ST6GALNAC3: variants seen among roughly 807,000 people sequenced by gnomAD.
The protein encoded by ST6GALNAC3 is alpha-N-acetylgalactosaminide alpha-2,6-sialyltransferase 3.
In ST6GALNAC3, 25 loss-of-function variants were observed where a neutral mutation model predicts 32.7. That is an observed-to-expected ratio of 0.76 (90% CI 0.56 to 1.07). ST6GALNAC3 has a LOEUF of 1.07. ST6GALNAC3 is among the 50% of genes least tolerant of loss of function. ST6GALNAC3 has a pLI of 0.00. For missense variants in ST6GALNAC3, 355 were observed against 382.4 expected (o/e 0.93, Z 0.60); for synonymous variants, 129 against 133.1 (o/e 0.97, Z 0.21).
chr1:76,199,229 C>G (rs1022038401), intron 1 of ST6GALNAC3, among the ~76,000 whole-genome samples: 1 of 152,080 alleles, frequency 6.6e-6, no homozygotes, highest in Non-Finnish European at 1.5e-5. Context: ...TGGTATAACC[C>G]AAATAGAAGC....
At chr1:76,200,893 C>G (rs1404343899) in intron 1 of ST6GALNAC3, among the ~76,000 whole-genome samples, 2 of 151,940 alleles carry the variant, frequency 1.3e-5, no homozygotes, top group Non-Finnish European at 2.9e-5. Context: ...CCAGAAACGC[C>G]TCTGAGATAC....
chr1:76,148,162 G>C (rs1274413931), intron 1 of ST6GALNAC3, among the ~76,000 whole-genome samples: 1 of 152,170 alleles, frequency 6.6e-6, no homozygotes, highest in Non-Finnish European at 1.5e-5. Context: ...TCTGTACCAT[G>C]GGGACTGCTT....
At chr1:76,600,475 A>G (rs549723191) in intron 3 of ST6GALNAC3, among the ~76,000 whole-genome samples, 110 of 152,232 alleles carry the variant, frequency 7.2e-4, no homozygotes, top group African/African-American at 2.6e-3. Flanking sequence ...GAGTACTTAC[A>G]TTGTGCTGGG....
chr1:76,594,064 T>C (rs1259102467), intron 3 of ST6GALNAC3, among the ~76,000 whole-genome samples: 1 of 152,104 alleles, frequency 6.6e-6, no homozygotes, highest in African/African-American at 2.4e-5. Context: ...CTGGACTGGC[T>C]TTGAACATGG....
intron 2 of ST6GALNAC3, among the ~76,000 whole-genome samples, chr1:76,398,263 A>G (rs1653136852): frequency 6.6e-6 from 1 of 152,196 alleles, no homozygotes; most frequent in Non-Finnish European, 1.5e-5. Flanking sequence ...ACTATTTAAT[A>G]TGCATTGACA....
intron 1 of ST6GALNAC3, among the ~76,000 whole-genome samples, chr1:76,264,765 C>T (rs950569884): frequency 8.5e-5 from 13 of 152,064 alleles, no homozygotes; most frequent in Admixed American, 7.2e-4. Flanking sequence ...GCCATTAAAC[C>T]TCTCTGAAAT....
At chr1:76,519,248 G>T (rs1662365795) in intron 3 of ST6GALNAC3, among the ~76,000 whole-genome samples, 1 of 151,758 alleles carries the variant, frequency 6.6e-6, no homozygotes, top group Non-Finnish European at 1.5e-5. Context: ...GAGACCCTGT[G>T]ACTGAAAATG....
At chr1:76,346,988 G>GA (rs1339504149) in intron 2 of ST6GALNAC3, among the ~76,000 whole-genome samples, 8 of 152,088 alleles carry the variant, frequency 5.3e-5, no homozygotes, top group African/African-American at 1.9e-4. Flanking sequence ...TGTTAAGAAT[G>GA]AACATCTACA....
intron 1 of ST6GALNAC3, among the ~76,000 whole-genome samples, chr1:76,190,260 C>T (rs865840320): frequency 6.6e-6 from 1 of 152,016 alleles, no homozygotes. Context: ...GGATGAGAGG[C>T]AGGCTCAGAG....
At chr1:76,199,460 A>G (rs1396742994) in intron 1 of ST6GALNAC3, among the ~76,000 whole-genome samples, 1 of 152,234 alleles carries the variant, frequency 6.6e-6, no homozygotes, top group Non-Finnish European at 1.5e-5. Context: ...TAACATTTTA[A>G]TTCAGAGGTG....
intron 2 of ST6GALNAC3, among the ~76,000 whole-genome samples, chr1:76,328,815 C>G (rs564850418): frequency 3.3e-5 from 5 of 152,250 alleles, no homozygotes; most frequent in African/African-American, 1.2e-4. Flanking sequence ...AGCTGTGTGC[C>G]AAATAGCCCT....
intron 2 of ST6GALNAC3, among the ~76,000 whole-genome samples, chr1:76,409,549 CA>C (rs1654069576): frequency 6.6e-6 from 1 of 150,798 alleles, no homozygotes; most frequent in Non-Finnish European, 1.5e-5. Context: ...GAAAAAAAAA[CA>C]GATAATAGCT....
At chr1:76,508,551 C>T (rs1661626660) in intron 3 of ST6GALNAC3, among the ~76,000 whole-genome samples, 2 of 152,118 alleles carry the variant, frequency 1.3e-5, no homozygotes, top group South Asian at 4.1e-4. Flanking sequence ...GCACCTGGGA[C>T]CCAGTATTGC....
chr1:76,510,066 G>GCTGAGA (rs1452439328), intron 3 of ST6GALNAC3, among the ~76,000 whole-genome samples: 2 of 152,162 alleles, frequency 1.3e-5, no homozygotes, highest in Non-Finnish European at 2.9e-5. Flanking sequence ...TTTTCTGAGG[G>GCTGAGA]CTGAGACTGA....
At chr1:76,490,836 T>C (rs1488471121) in intron 3 of ST6GALNAC3, among the ~76,000 whole-genome samples, 1 of 147,168 alleles carries the variant, frequency 6.8e-6, no homozygotes, top group African/African-American at 2.7e-5. Flanking sequence ...ATGCATTTAG[T>C]TTCTTTTTTT....
intron 2 of ST6GALNAC3, among the ~76,000 whole-genome samples, chr1:76,325,493 A>G (rs1647050666): frequency 6.6e-6 from 1 of 151,990 alleles, no homozygotes; most frequent in Non-Finnish European, 1.5e-5. Flanking sequence ...TCTTAGGAAG[A>G]AAAGGTAGAA....
chr1:76,557,187 G>GATATATCTATGATCAAGAAT (rs1553139487), intron 3 of ST6GALNAC3, among the ~76,000 whole-genome samples: 1 of 151,886 alleles, frequency 6.6e-6, no homozygotes, highest in Admixed American at 6.6e-5. Context: ...ATTGATCATA[G>GATATATCTATGATCAAGAAT]ATATATATTC....
chr1:76,510,687 G>A (rs530448005), intron 3 of ST6GALNAC3, among the ~76,000 whole-genome samples: 3 of 152,148 alleles, frequency 2.0e-5, no homozygotes, highest in Non-Finnish European at 4.4e-5. Flanking sequence ...AATAGTGGAA[G>A]TCAAAAATGC....
At chr1:76,596,211 A>G (rs1454352622) in intron 3 of ST6GALNAC3, among the ~76,000 whole-genome samples, 2 of 152,076 alleles carry the variant, frequency 1.3e-5, no homozygotes, top group African/African-American at 2.4e-5. Context: ...TCCCCTTTGC[A>G]CTCAAGCAGA....
Sources: gnomAD v4.1 joint callset for allele counts (sites outside exome capture counted in the v4.1 genomes callset) on GRCh38, gnomAD v4.1.1 for gene constraint, MANE v1.5 for transcripts, NCBI Gene and HGNC (gene_info 2026-07-23, HGNC 2026-07-21) for gene names.